PLCH1: variants seen among roughly 807,000 people sequenced by gnomAD.
PLCH1 encodes the protein phospholipase C eta 1.
Under a neutral mutation model 126.7 loss-of-function variants are expected in PLCH1, and 60 were observed. The ratio of observed to expected loss-of-function variants is 0.47; its 90% CI spans 0.38 to 0.59. The LOEUF (loss-of-function observed/expected upper bound fraction) is 0.59, where lower values mean the gene tolerates loss of function less well. Among genes scored for constraint, PLCH1 ranks in the 20% least tolerant of loss-of-function variants. PLCH1 has a pLI of 0.00. For synonymous variants in PLCH1, 719 were observed against 734.9 expected (o/e 0.98, Z 0.35); for missense variants, 1,723 against 2,040.0 (o/e 0.84, Z 2.99).
chr3:155,453,831 ATTTC>A (rs1314283190), intron 21 of PLCH1, among the ~76,000 whole-genome samples: 1 of 151,616 alleles, frequency 6.6e-6, no homozygotes, highest in Non-Finnish European at 1.5e-5. Context: ...TAGATATTCT[ATTTC>A]TTCTAATAAA....
intron 2 of PLCH1, among the ~76,000 whole-genome samples, chr3:155,629,221 C>T (rs150121968): frequency 2.2e-4 from 33 of 152,256 alleles, no homozygotes; most frequent in African/African-American, 7.0e-4. Flanking sequence ...GAAAATGCAG[C>T]GGCTCAAAGT....
intron 21 of PLCH1, among the ~76,000 whole-genome samples, chr3:155,463,920 G>A (rs886360637): frequency 5.3e-5 from 8 of 152,174 alleles, no homozygotes; most frequent in African/African-American, 1.9e-4. Flanking sequence ...TTTTCCCTAA[G>A]TTCCCTGATT....
intron 2 of PLCH1, among the ~76,000 whole-genome samples, chr3:155,633,711 C>A (rs528233027): frequency 1.3e-5 from 2 of 152,090 alleles, no homozygotes; most frequent in Non-Finnish European, 2.9e-5. Context: ...CACTTGAGGC[C>A]GGGAGTTCGA....
intron 10 of PLCH1, among the ~76,000 whole-genome samples, chr3:155,526,538 C>T (rs536066829): frequency 1.5e-5 from 2 of 133,348 alleles, no homozygotes; most frequent in East Asian, 2.0e-4. Flanking sequence ...ACACTGGTGT[C>T]GTGAGCTGTG....
At chr3:155,718,607 G>C (rs1292475522) in intron 1 of PLCH1, among the ~76,000 whole-genome samples, 1 of 152,156 alleles carries the variant, frequency 6.6e-6, no homozygotes, top group Admixed American at 6.5e-5. Flanking sequence ...TGAAGCAAAA[G>C]CAGGTGTCTC....
At chr3:155,636,117 A>C (rs1476104765) in intron 2 of PLCH1, among the ~76,000 whole-genome samples, 1 of 152,116 alleles carries the variant, frequency 6.6e-6, no homozygotes, top group African/African-American at 2.4e-5. Context: ...AACTTCCCCA[A>C]CTTCCCTCAC....
Position 155,596,331 on chromosome 3 carries a change from G to A in PLCH1, c.127C>T (p.Leu43=). 1.2e-6 allele frequency: 2 copies of A among 1,613,538 alleles called. No homozygotes were observed. Among genetic ancestry groups the A allele is most frequent in the Non-Finnish European group, 1.7e-6 (2 of 1,179,590 alleles). Residue 43 remains leucine (L), a synonymous_variant, in exon 3 of 23, where the codon CTG becomes TTG. Transcript: ENST00000460012. ...VMQSGTQMIK[L]KRGTKGLVRL... is the part of the protein sequence containing the mutation. ...ACAAGCCCTTTGGTTCCACGTTTCA[G>A]CTTGATCATCTGTGTCCCGGACTGC... is the stretch of plus-strand genomic sequence containing the variant.
chr3:155,628,551 T>C (rs4680204), intron 2 of PLCH1, among the ~76,000 whole-genome samples: 781 of 32,972 alleles, frequency 0.024, 4 homozygotes, highest in African/African-American at 0.049. Flanking sequence ...TCACCTCTCT[T>C]TTTTTTTTTT....
chr3:155,700,171 T>A (rs1425159427), intron 2 of PLCH1, among the ~76,000 whole-genome samples: 1 of 152,202 alleles, frequency 6.6e-6, no homozygotes, highest in Admixed American at 6.5e-5. Context: ...AGAACTAGTC[T>A]TCAGGATCCC....
chr3:155,680,937 GA>G (rs1475996764), intron 2 of PLCH1, among the ~76,000 whole-genome samples: 2 of 151,566 alleles, frequency 1.3e-5, no homozygotes, highest in East Asian at 3.9e-4. Context: ...CATACTAAGT[GA>G]AAAAAGGAGG....
At chr3:155,460,787 AAGATAGAT>A (rs142518324) in intron 21 of PLCH1, among the ~76,000 whole-genome samples, 31,957 of 146,260 alleles carry the variant, frequency 0.22, 3,457 homozygotes, top group South Asian at 0.24. Flanking sequence ...ATAGATATAG[AAGATAGAT>A]AGATAGATAG....
chr3:155,513,357 G>A (rs181500472), intron 12 of PLCH1, among the ~76,000 whole-genome samples: 4 of 152,294 alleles, frequency 2.6e-5, no homozygotes, highest in Non-Finnish European at 5.9e-5. Flanking sequence ...TGGAGAAATT[G>A]TCATTAGGAT....
rs773733339 is a variant in PLCH1, at chr3:155,482,982, T to A, written c.3044A>T (p.Lys1015Ile). 6.2e-7 allele frequency: 1 copy of A among 1,614,080 alleles called. No individual in the cohort carries two copies. The highest frequency in any genetic ancestry group is 1.7e-5 in the Admixed American group (1 of 60,018). ...IKDPHFLNFN[K>I]KLSSSSSALL... Reference sequence around the variant, plus strand: ...AGCACTGGAGGAGGATGATAACTTTTTGTTGAAATTTAGAAAATGTGGATC... The same window carrying A: ...AGCACTGGAGGAGGATGATAACTTTATGTTGAAATTTAGAAAATGTGGATC... Residue 1015 changes from lysine to isoleucine, a missense_variant, in exon 23 of 23, where the codon AAA (lysine) becomes ATA (isoleucine). Coordinates refer to ENST00000460012, the MANE Select transcript of PLCH1 (RefSeq NM_014996.4).
At chr3:155,587,429 T>C (rs895581915) in intron 4 of PLCH1, among the ~76,000 whole-genome samples, 1 of 152,162 alleles carries the variant, frequency 6.6e-6, no homozygotes. Context: ...AGAAATCTGA[T>C]AAAAATTAGT....
At chr3:155,677,339 G>A (rs1010468564) in intron 2 of PLCH1, among the ~76,000 whole-genome samples, 1 of 152,146 alleles carries the variant, frequency 6.6e-6, no homozygotes, top group Non-Finnish European at 1.5e-5. Context: ...GTCCCAATTT[G>A]CACATCCCCT....
At chr3:155,684,974 C>T (rs2109024129) in intron 2 of PLCH1, among the ~76,000 whole-genome samples, 1 of 152,220 alleles carries the variant, frequency 6.6e-6, no homozygotes, top group East Asian at 1.9e-4. Flanking sequence ...GAAAAATAGA[C>T]ACAGAAACAA....
chr3:155,589,903 C>T (rs1731880524), intron 4 of PLCH1, among the ~76,000 whole-genome samples: 1 of 152,174 alleles, frequency 6.6e-6, no homozygotes, highest in Admixed American at 6.5e-5. Flanking sequence ...CTGTCATTAT[C>T]ATCATCACCA....
At chr3:155,706,932 A>G (rs1244303748) in intron 1 of PLCH1, among the ~76,000 whole-genome samples, 5 of 152,162 alleles carry the variant, frequency 3.3e-5, no homozygotes, top group South Asian at 2.1e-4. Flanking sequence ...CATGTGCTAT[A>G]TTGAATGTTT....
At chr3:155,613,796 T>C (rs1248591937) in intron 2 of PLCH1, among the ~76,000 whole-genome samples, 1 of 138,800 alleles carries the variant, frequency 7.2e-6, no homozygotes, top group African/African-American at 3.0e-5. Context: ...ACTGAAGTCC[T>C]AGTCAGAGCA....
Sources: gnomAD v4.1 joint callset for allele counts (sites outside exome capture counted in the v4.1 genomes callset) on GRCh38, gnomAD v4.1.1 for gene constraint, MANE v1.5 for transcripts, NCBI Gene and HGNC (gene_info 2026-07-23, HGNC 2026-07-21) for gene names.